Variants in FAM163A observed in about 807,000 individuals in gnomAD.
FAM163A encodes protein FAM163A.
In FAM163A, 7 loss-of-function variants were observed where a neutral mutation model predicts 12.0. The observed-to-expected ratio is 0.58, with a 90% CI of 0.33 to 1.10. FAM163A has a LOEUF of 1.10. Among genes scored for constraint, FAM163A ranks in the 50% least tolerant of loss-of-function variants. The pLI is 0.03. For synonymous variants in FAM163A, 101 were observed against 91.0 expected (o/e 1.11, Z -0.62); for missense variants, 202 against 218.6 (o/e 0.92, Z 0.48).
chr1:179,799,648 C>T (rs1692878449), intron 1 of FAM163A, among the ~76,000 whole-genome samples: 1 of 152,224 alleles, frequency 6.6e-6, no homozygotes, highest in Non-Finnish European at 1.5e-5. Context: ...TAGGAAAACT[C>T]TCTAAACTGT....
At chr1:179,802,880 T>C (rs145006609) in intron 1 of FAM163A, among the ~76,000 whole-genome samples, 5 of 152,284 alleles carry the variant, frequency 3.3e-5, no homozygotes, top group African/African-American at 9.6e-5. Flanking sequence ...TACTGTTATA[T>C]TGGGGTTCTT....
At chr1:179,770,415 T>C (rs1180979764) in intron 1 of FAM163A, among the ~76,000 whole-genome samples, 1 of 152,172 alleles carries the variant, frequency 6.6e-6, no homozygotes, top group Non-Finnish European at 1.5e-5. Flanking sequence ...CATCTGTTCT[T>C]CTGATCGTGT....
chr1:179,806,216 G>T (rs1464921870), intron 1 of FAM163A, among the ~76,000 whole-genome samples: 1 of 152,190 alleles, frequency 6.6e-6, no homozygotes, highest in Non-Finnish European at 1.5e-5. Context: ...GGGGCAGAGG[G>T]CCCTGCCCCA....
intron 1 of FAM163A, among the ~76,000 whole-genome samples, chr1:179,786,596 C>T (rs1466066331): frequency 1.3e-5 from 2 of 152,178 alleles, no homozygotes; most frequent in African/African-American, 4.8e-5. Context: ...CCTGCTAAGC[C>T]CTCTGACATA....
intron 1 of FAM163A, among the ~76,000 whole-genome samples, chr1:179,757,198 T>C (rs1188146588): frequency 6.6e-6 from 1 of 152,150 alleles, no homozygotes; most frequent in Non-Finnish European, 1.5e-5. Flanking sequence ...CAATGGGTTG[T>C]TTTTTAAGAG....
chr1:179,808,006 T>C (rs982496727), intron 2 of FAM163A, 118 bp downstream of exon 2: 11 of 152,356 alleles, frequency 7.2e-5, no homozygotes, highest in Non-Finnish European at 1.2e-4. Flanking sequence ...GATTCTTTAG[T>C]GGACAGCAGG....
At chr1:179,780,913 C>T (rs569272801) in intron 1 of FAM163A, among the ~76,000 whole-genome samples, 39 of 152,246 alleles carry the variant, frequency 2.6e-4, no homozygotes, top group African/African-American at 9.1e-4. Context: ...GTTGACAGGA[C>T]AGAGGGCATT....
intron 1 of FAM163A, among the ~76,000 whole-genome samples, chr1:179,797,697 A>C (rs966753663): frequency 6.6e-6 from 1 of 152,150 alleles, no homozygotes; most frequent in African/African-American, 2.4e-5. Flanking sequence ...CTTTATCTAT[A>C]TATATATAAT....
At chr1:179,791,057 T>C (rs1024820857) in intron 1 of FAM163A, among the ~76,000 whole-genome samples, 11 of 152,038 alleles carry the variant, frequency 7.2e-5, no homozygotes, top group African/African-American at 2.7e-4. Flanking sequence ...CCAGCAAAGC[T>C]CCCCTGAAGC....
chr1:179,780,920 C>T (rs1374087092), intron 1 of FAM163A, among the ~76,000 whole-genome samples: 1 of 152,126 alleles, frequency 6.6e-6, no homozygotes, highest in Non-Finnish European at 1.5e-5. Flanking sequence ...GGACAGAGGG[C>T]ATTTGCTGAT....
intron 1 of FAM163A, among the ~76,000 whole-genome samples, chr1:179,755,136 C>CAA (rs35201060): frequency 0.013 from 1,385 of 109,356 alleles, 30 homozygotes; most frequent in African/African-American, 0.033. Context: ...GACTCTGCCT[C>CAA]AAAAAAAAAA....
the FAM163A span, among the ~76,000 whole-genome samples, chr1:179,732,906 A>AAAAAAAAT: frequency 6.7e-6 from 1 of 149,744 alleles, no homozygotes; most frequent in Non-Finnish European, 1.5e-5. Context: ...AAAAAAAAAA[A>AAAAAAAAT]GATTGTTTAC....
At chr1:179,749,800 AG>A (rs1685016463) in intron 1 of FAM163A, among the ~76,000 whole-genome samples, 1 of 152,220 alleles carries the variant, frequency 6.6e-6, no homozygotes, top group African/African-American at 2.4e-5. Context: ...TAGAGGTTGC[AG>A]TGAGCCGAGA....
At chr1:179,805,348 T>C (rs929861096) in intron 1 of FAM163A, among the ~76,000 whole-genome samples, 2 of 152,126 alleles carry the variant, frequency 1.3e-5, no homozygotes, top group Non-Finnish European at 2.9e-5. Flanking sequence ...TGAAACCCCA[T>C]TTCTACTAAA....
intron 2 of FAM163A, among the ~76,000 whole-genome samples, chr1:179,810,378 G>A (rs552414190): frequency 5.9e-5 from 9 of 152,288 alleles, no homozygotes; most frequent in African/African-American, 2.2e-4. Context: ...CCTGTCAAAA[G>A]CCCCGTCAGG....
intron 2 of FAM163A, among the ~76,000 whole-genome samples, chr1:179,808,478 G>C (rs572103753): frequency 3.9e-5 from 6 of 152,184 alleles, no homozygotes; most frequent in Admixed American, 2.6e-4. Context: ...CATGTATGTG[G>C]CTGTTCAGTT....
chr1:179,810,061 G>GAGCT (rs1694495777), intron 2 of FAM163A, among the ~76,000 whole-genome samples: 2 of 152,174 alleles, frequency 1.3e-5, no homozygotes, highest in Admixed American at 1.3e-4. Context: ...GCTAAACAGT[G>GAGCT]AGCTTTTATT....
At chr1:179,781,081 T>C (rs1280334541) in intron 1 of FAM163A, among the ~76,000 whole-genome samples, 2 of 152,094 alleles carry the variant, frequency 1.3e-5, no homozygotes, top group Non-Finnish European at 2.9e-5. Context: ...GCATACACGA[T>C]GGCTTTAAAA....
chr1:179,734,253 T>G, the FAM163A span, among the ~76,000 whole-genome samples: 9 of 152,276 alleles, frequency 5.9e-5, no homozygotes, highest in African/African-American at 2.2e-4. Flanking sequence ...TAGACCTATA[T>G]AGGAGAACAC....
Sources: gnomAD v4.1 joint callset for allele counts (sites outside exome capture counted in the v4.1 genomes callset) on GRCh38, gnomAD v4.1.1 for gene constraint, MANE v1.5 for transcripts, NCBI Gene and HGNC (gene_info 2026-07-23, HGNC 2026-07-21) for gene names.